Variants in PIP5K1B observed in about 807,000 individuals in gnomAD.
PIP5K1B encodes the protein phosphatidylinositol-4-phosphate 5-kinase type 1 beta.
A neutral mutation model predicts 67.0 loss-of-function variants in PIP5K1B; 42 were observed. The observed-to-expected ratio is 0.63, with a 90% CI of 0.49 to 0.81. The LOEUF (loss-of-function observed/expected upper bound fraction) is 0.81. Among genes scored for constraint, PIP5K1B ranks in the 30% least tolerant of loss-of-function variants. The probability of loss-of-function intolerance (pLI) is 0.00; values close to 1 mark genes in which losing one functional copy is unlikely to be tolerated. For missense variants in PIP5K1B, 459 were observed against 646.3 expected (o/e 0.71, Z 3.14); for synonymous variants, 214 against 231.4 (o/e 0.92, Z 0.68).
At position 68,981,539 on chromosome 9, in the gene PIP5K1B, A is replaced by C. The variant is rs144056676; in HGVS notation, c.1503-9601A>C. Among the ~76,000 whole-genome samples, 77 of 152,310 alleles carry C rather than the reference A, an allele frequency of 5.1e-4. No homozygotes were observed. The East Asian group carries it at 6.8e-3, about 13-fold the overall frequency. On this transcript the variant is annotated intron_variant, in intron 14 of 15. Transcript: ENST00000265382. Reference sequence around the variant, plus strand: ...AGAAGTCATCTGTGTTGTGTGCTTTATTATGATGTTTATTACTTCGATTAA... The same window carrying C: ...AGAAGTCATCTGTGTTGTGTGCTTTCTTATGATGTTTATTACTTCGATTAA...
chr9:68,968,713 A>T (rs766238035), intron 14 of PIP5K1B, among the ~76,000 whole-genome samples: 14,437 of 142,776 alleles, frequency 0.1, 811 homozygotes, highest in Middle Eastern at 0.14. Context: ...ATATATATAT[A>T]TATTTTTTTT....
intron 4 of PIP5K1B, among the ~76,000 whole-genome samples, chr9:68,832,584 CATT>C (rs1834377924): frequency 6.6e-6 from 1 of 152,100 alleles, no homozygotes. Context: ...TTCAACATAT[CATT>C]AAGGAAGGAA....
chr9:68,928,890 C>A (rs573098054), intron 12 of PIP5K1B, among the ~76,000 whole-genome samples: 1 of 152,234 alleles, frequency 6.6e-6, no homozygotes, highest in South Asian at 2.1e-4. Context: ...GCTAGCTGGG[C>A]ACGGTGGCTC....
chr9:69,007,040 C>T (rs376529846), intron 15 of PIP5K1B, among the ~76,000 whole-genome samples: 7 of 152,196 alleles, frequency 4.6e-5, no homozygotes, highest in East Asian at 1.9e-4. Flanking sequence ...TTACACTCAC[C>T]TCTTCCTACA....
At chr9:68,825,419 A>G (rs985170821) in intron 4 of PIP5K1B, among the ~76,000 whole-genome samples, 3 of 152,222 alleles carry the variant, frequency 2.0e-5, no homozygotes, top group Admixed American at 6.5e-5. Context: ...ATGTTCACCC[A>G]TGACCTTAAT....
At chr9:68,992,289 G>T (rs1830416228) in intron 15 of PIP5K1B, among the ~76,000 whole-genome samples, 1 of 152,238 alleles carries the variant, frequency 6.6e-6, no homozygotes, top group African/African-American at 2.4e-5. Flanking sequence ...ATAAAACAGG[G>T]GAAGTGTTCT....
In PIP5K1B at chr9:68,916,154, G is replaced by A. The variant is rs1343322616; in HGVS notation, c.772-1394G>A. Among the ~76,000 whole-genome samples, 9 of 152,304 alleles carry A rather than the reference G, an allele frequency of 5.9e-5. No individual in the cohort carries two copies. The East Asian group carries it at 7.7e-4, about 13-fold the overall frequency. On this transcript the variant is annotated intron_variant, in intron 8 of 15. Transcript: ENST00000265382. ...TTCTCATGTTGGTTCAGAGACAGCC[G>A]TTCTGACAACCAGGGTTGTCTTGCT...
At chr9:68,856,825 A>G (rs144496544) in intron 4 of PIP5K1B, among the ~76,000 whole-genome samples, 36 of 152,338 alleles carry the variant, frequency 2.4e-4, no homozygotes, top group African/African-American at 8.4e-4. Flanking sequence ...ATCCTGAAGT[A>G]GAGGAGTGTG....
At chr9:68,840,988 G>A (rs1183293144) in intron 4 of PIP5K1B, among the ~76,000 whole-genome samples, 1 of 152,154 alleles carries the variant, frequency 6.6e-6, no homozygotes. Context: ...CTGTCAGTCT[G>A]TCTGGTACTC....
At chr9:68,853,653 G>A (rs1822607238) in intron 4 of PIP5K1B, among the ~76,000 whole-genome samples, 1 of 152,178 alleles carries the variant, frequency 6.6e-6, no homozygotes, top group Admixed American at 6.5e-5. Context: ...AATGATATGT[G>A]ACCATTGGAG....
chr9:68,805,160 G>C lies in PIP5K1B; in HGVS notation c.-85-13301G>C, dbSNP rs754409078. Among the ~76,000 whole-genome samples, 152 of 152,340 alleles carry C rather than the reference G, an allele frequency of 1.0e-3. 1 individual carries two copies. Among genetic ancestry groups the C allele is most frequent in the Non-Finnish European group, 2.2e-4 (15 of 68,026 alleles). ...CAGGCAAGAGGCTGTCAGAGCACCTGCCACATTTGCAGAGGAAGGAGCCCT... is the reference window on the plus strand; with the variant it reads ...CAGGCAAGAGGCTGTCAGAGCACCTCCCACATTTGCAGAGGAAGGAGCCCT... On this transcript the variant is annotated intron_variant, in intron 2 of 15. Coordinates refer to ENST00000265382, the MANE Select transcript of PIP5K1B (RefSeq NM_003558.4).
chr9:68,859,130 C>G (rs1270391301), intron 4 of PIP5K1B, among the ~76,000 whole-genome samples: 2 of 152,222 alleles, frequency 1.3e-5, no homozygotes, highest in Admixed American at 1.3e-4. Flanking sequence ...TCTCCTGGAG[C>G]CACGGTTTCC....
At chr9:68,969,396 A>G (rs1472385508) in intron 14 of PIP5K1B, among the ~76,000 whole-genome samples, 1 of 150,730 alleles carries the variant, frequency 6.6e-6, no homozygotes, top group Non-Finnish European at 1.5e-5. Flanking sequence ...AAAACTGTAA[A>G]TGAGATAATG....
At chr9:68,957,140 T>C (rs1257798006) in intron 14 of PIP5K1B, among the ~76,000 whole-genome samples, 2 of 152,168 alleles carry the variant, frequency 1.3e-5, no homozygotes, top group African/African-American at 4.8e-5. Context: ...TTTTTGCTTT[T>C]CTTGTTTGTG....
At chr9:68,752,393 G>A (rs1006055962) in intron 2 of PIP5K1B, among the ~76,000 whole-genome samples, 6 of 152,182 alleles carry the variant, frequency 3.9e-5, no homozygotes, top group African/African-American at 1.4e-4. Context: ...GCAAGGGTAG[G>A]ATATTGCTTT....
At chr9:68,962,883 A>T (rs1012652229) in intron 14 of PIP5K1B, among the ~76,000 whole-genome samples, 3 of 152,228 alleles carry the variant, frequency 2.0e-5, no homozygotes, top group Non-Finnish European at 4.4e-5. Context: ...CTCTAATGAA[A>T]ACATTTCAAT....
Position 68,789,486 on chromosome 9 carries a change from T to A in PIP5K1B, c.-85-28975T>A, listed in dbSNP as rs145190657. Reference sequence around the variant, plus strand: ...ATCACAGCCACAAAAAAAGATCTTGTGGTGGTAAACACTTAAGAGACAGTG... The same window carrying A: ...ATCACAGCCACAAAAAAAGATCTTGAGGTGGTAAACACTTAAGAGACAGTG... On this transcript the variant is annotated intron_variant, in intron 2 of 15. Coordinates refer to ENST00000265382, the MANE Select transcript of PIP5K1B (RefSeq NM_003558.4). The A allele has an allele frequency of 2.9e-4, 149 of 519,884 alleles. 1 individual carries two copies. Among genetic ancestry groups the A allele is most frequent in the African/African-American group, 2.5e-3 (131 of 51,614 alleles). The allele number at this position is 519,884 out of a possible 1,614,324, so 32.2% of individuals were successfully genotyped here. A position where few individuals can be genotyped will look rare whatever the true frequency, so the allele number is the denominator to read the frequency against.
chr9:68,998,849 T>C (rs112506658), intron 15 of PIP5K1B, among the ~76,000 whole-genome samples: 2 of 152,242 alleles, frequency 1.3e-5, no homozygotes, highest in African/African-American at 2.4e-5. Flanking sequence ...GCCCCCCAAG[T>C]GTGATGAATG....
At chr9:68,779,891 T>C (rs1831131987) in intron 2 of PIP5K1B, 1 of 431,374 alleles carries the variant, frequency 2.3e-6, no homozygotes, top group African/African-American at 2.0e-5. Context: ...CAACGCGAGC[T>C]TGCGCTCAAT....
Sources: gnomAD v4.1 joint callset for allele counts (sites outside exome capture counted in the v4.1 genomes callset) on GRCh38, gnomAD v4.1.1 for gene constraint, MANE v1.5 for transcripts, NCBI Gene and HGNC (gene_info 2026-07-23, HGNC 2026-07-21) for gene names.